Variants in SYT9 observed in about 807,000 individuals in gnomAD.
The protein encoded by SYT9 is synaptotagmin-9.
Under a neutral mutation model 48.4 loss-of-function variants are expected in SYT9, and 22 were observed. The ratio of observed to expected loss-of-function variants is 0.45; its 90% CI spans 0.32 to 0.65. The LOEUF (loss-of-function observed/expected upper bound fraction) is 0.65, where lower values mean the gene tolerates loss of function less well. Among genes scored for constraint, SYT9 ranks in the 30% least tolerant of loss-of-function variants. The pLI is 0.03. For missense variants in SYT9, 577 were observed against 622.0 expected (o/e 0.93, Z 0.77); for synonymous variants, 265 against 245.0 (o/e 1.08, Z -0.76).
intron 3 of SYT9, among the ~76,000 whole-genome samples, chr11:7,343,233 C>T (rs1373577621): frequency 6.6e-6 from 1 of 152,198 alleles, no homozygotes; most frequent in Admixed American, 6.5e-5. Flanking sequence ...TTGAATTTCT[C>T]CTTAGAAAAT....
At chr11:7,459,272 A>G (rs1848201722) in intron 6 of SYT9, among the ~76,000 whole-genome samples, 1 of 152,230 alleles carries the variant, frequency 6.6e-6, no homozygotes, top group South Asian at 2.1e-4. Flanking sequence ...ATAAAATAGC[A>G]GTTAGATGCA....
chr11:7,376,554 C>T (rs547554167), intron 3 of SYT9, among the ~76,000 whole-genome samples: 1 of 152,194 alleles, frequency 6.6e-6, no homozygotes, highest in South Asian at 2.1e-4. Context: ...ATCAGGGCTA[C>T]TCTGGTGCCC....
In SYT9 at chr11:7,416,806, C is replaced by G. The variant is rs139041736; in HGVS notation, c.1165+644C>G. On this transcript the variant is annotated intron_variant, in intron 4 of 6. Coordinates refer to ENST00000318881, the MANE Select transcript of SYT9 (RefSeq NM_175733.4). Reference sequence around the variant, plus strand: ...AAGGGACAATAGTACTCTCTTGGGTCTCCCTCACCATAATTGTGAATTGGA... The same window carrying G: ...AAGGGACAATAGTACTCTCTTGGGTGTCCCTCACCATAATTGTGAATTGGA... 1.2e-4 allele frequency among the ~76,000 whole-genome samples: 18 copies of G among 152,240 alleles called. No homozygotes were observed. In the East Asian group the frequency reaches 3.3e-3, roughly 28 times the overall value.
At chr11:7,407,180 C>A (rs977808104) in intron 3 of SYT9, among the ~76,000 whole-genome samples, 1 of 152,038 alleles carries the variant, frequency 6.6e-6, no homozygotes, top group Non-Finnish European at 1.5e-5. Flanking sequence ...GTTTCCTTTG[C>A]TGTGCATGAG....
At chr11:7,295,046 T>C (rs1450254618) in intron 1 of SYT9, among the ~76,000 whole-genome samples, 2 of 152,226 alleles carry the variant, frequency 1.3e-5, no homozygotes, top group Non-Finnish European at 2.9e-5. Flanking sequence ...ATACCTATAC[T>C]AATCTCTTAA....
At chr11:7,287,688 C>G (rs1185512250) in intron 1 of SYT9, among the ~76,000 whole-genome samples, 3 of 152,302 alleles carry the variant, frequency 2.0e-5, no homozygotes, top group East Asian at 1.9e-4. Flanking sequence ...TACTCATAAC[C>G]TGGCTATTGC....
At chr11:7,398,760 G>A (rs1428469968) in intron 3 of SYT9, among the ~76,000 whole-genome samples, 1 of 152,118 alleles carries the variant, frequency 6.6e-6, no homozygotes, top group Non-Finnish European at 1.5e-5. Context: ...AACATGTTGA[G>A]TGCCAACAAA....
chr11:7,247,782 A>G (rs1024509626), upstream of SYT9, among the ~76,000 whole-genome samples: 3 of 151,708 alleles, frequency 2.0e-5, no homozygotes, highest in African/African-American at 7.3e-5. Context: ...GTGCTGCTAT[A>G]TACATACATG....
intron 6 of SYT9, among the ~76,000 whole-genome samples, chr11:7,432,912 A>G (rs937717921): frequency 6.6e-6 from 1 of 151,994 alleles, no homozygotes; most frequent in African/African-American, 2.4e-5. Context: ...GTATTTTGCA[A>G]TATGGGAAGA....
At position 7,303,086 on chromosome 11, in the gene SYT9, G is replaced by A. The variant is rs777649430; in HGVS notation, c.193G>A (p.Ala65Thr). Residue 65 changes from alanine (A) to threonine (T), a missense_variant, in exon 2 of 7, where the codon GCT (alanine) becomes ACT (threonine). Coordinates refer to ENST00000318881, the MANE Select transcript of SYT9 (RefSeq NM_175733.4). ...CCTTGTGGTCACTGCCTGTGGTCTC[G>A]CTCTCTTTGGCGTGTCTCTCTTCGT... ...LTLVVTACGL[A>T]LFGVSLFVSW... 16 of 1,614,166 alleles carry A rather than the reference G, an allele frequency of 9.9e-6. No homozygotes were observed. The highest frequency in any genetic ancestry group is 1.3e-5 in the Non-Finnish European group (15 of 1,180,024).
At chr11:7,410,112 T>C (rs977336445) in intron 3 of SYT9, among the ~76,000 whole-genome samples, 23 of 152,240 alleles carry the variant, frequency 1.5e-4, no homozygotes, top group African/African-American at 5.5e-4. Context: ...CCAGTGGTCA[T>C]TCAGAAGCAT....
chr11:7,318,698 A>G (rs996260732), intron 3 of SYT9, among the ~76,000 whole-genome samples: 1 of 152,102 alleles, frequency 6.6e-6, no homozygotes, highest in Non-Finnish European at 1.5e-5. Flanking sequence ...ATCACACGTA[A>G]TTGTTTTATC....
intron 3 of SYT9, among the ~76,000 whole-genome samples, chr11:7,376,721 G>A (rs73397593): frequency 0.012 from 1,751 of 152,018 alleles, 43 homozygotes; most frequent in African/African-American, 0.038. Flanking sequence ...GCTACATCCC[G>A]GGAATTGAAA....
At chr11:7,285,914 G>T (rs1372070524) in intron 1 of SYT9, among the ~76,000 whole-genome samples, 1 of 152,224 alleles carries the variant, frequency 6.6e-6, no homozygotes, top group Non-Finnish European at 1.5e-5. Context: ...GCAAGAGGTG[G>T]ATTCCCACAG....
intron 1 of SYT9, among the ~76,000 whole-genome samples, chr11:7,289,111 C>G (rs1177649618): frequency 6.6e-6 from 1 of 152,286 alleles, no homozygotes; most frequent in Non-Finnish European, 1.5e-5. Context: ...TCTTTCCTGC[C>G]TCAGTCTCCA....
At chr11:7,399,453 A>G (rs74360006) in intron 3 of SYT9, among the ~76,000 whole-genome samples, 4,109 of 152,324 alleles carry the variant, frequency 0.027, 176 homozygotes, top group African/African-American at 0.09. Flanking sequence ...ATGAAAATTG[A>G]GGGGAATTAT....
chr11:7,405,436 G>A (rs1231166960), intron 3 of SYT9, among the ~76,000 whole-genome samples: 2 of 152,178 alleles, frequency 1.3e-5, no homozygotes, highest in African/African-American at 4.8e-5. Flanking sequence ...AAGAGCTACA[G>A]CTTCTTGACA....
At chr11:7,355,082 A>G (rs1849992301) in intron 3 of SYT9, among the ~76,000 whole-genome samples, 1 of 152,236 alleles carries the variant, frequency 6.6e-6, no homozygotes, top group Admixed American at 6.5e-5. Flanking sequence ...CAACCAAGAT[A>G]AAAGTACGTT....
chr11:7,456,459 GTC>G (rs1247936160), intron 6 of SYT9, among the ~76,000 whole-genome samples: 1 of 152,226 alleles, frequency 6.6e-6, no homozygotes, highest in Non-Finnish European at 1.5e-5. Context: ...TCCCTCCAGT[GTC>G]TTCCCCATGT....
Sources: gnomAD v4.1 joint callset for allele counts (sites outside exome capture counted in the v4.1 genomes callset) on GRCh38, gnomAD v4.1.1 for gene constraint, MANE v1.5 for transcripts, NCBI Gene and HGNC (gene_info 2026-07-23, HGNC 2026-07-21) for gene names.